Variants in RANBP2 observed in about 807,000 individuals in gnomAD.
The protein encoded by RANBP2 is E3 SUMO-protein ligase RanBP2.
Under a neutral mutation model 303.6 loss-of-function variants are expected in RANBP2, and 57 were observed. The ratio of observed to expected loss-of-function variants is 0.19; its 90% CI spans 0.15 to 0.23. The LOEUF (loss-of-function observed/expected upper bound fraction) is 0.23, where lower values mean the gene tolerates loss of function less well. RANBP2 is among the 10% of genes least tolerant of loss of function. The probability of loss-of-function intolerance (pLI) is 1.00; values close to 1 mark genes in which losing one functional copy is unlikely to be tolerated. For synonymous variants in RANBP2, 1,167 were observed against 1,301.5 expected (o/e 0.90, Z 2.23); for missense variants, 3,138 against 3,780.8 (o/e 0.83, Z 4.46).
At chr2:109,417,143 A>G in the RANBP2 span, among the ~76,000 whole-genome samples, 4 of 152,186 alleles carry the variant, frequency 2.6e-5, no homozygotes, top group Non-Finnish European at 5.9e-5. Context: ...AGTGGCCACA[A>G]GGAGACCTGT....
chr2:109,689,322 C>T, the RANBP2 span, among the ~76,000 whole-genome samples: 1 of 152,168 alleles, frequency 6.6e-6, no homozygotes, highest in Admixed American at 6.5e-5. Context: ...CATGCCTGGG[C>T]AGCAGAGAGA....
chr2:108,994,029 C>T, the RANBP2 span, among the ~76,000 whole-genome samples: 2 of 152,158 alleles, frequency 1.3e-5, no homozygotes, highest in African/African-American at 4.8e-5. Context: ...ACCTAATCAC[C>T]TCCCAAAGAC....
chr2:109,564,661 T>C, the RANBP2 span: 2 of 765,742 alleles, frequency 2.6e-6, no homozygotes, highest in African/African-American at 1.8e-5. Context: ...TCAGTTTGAT[T>C]AACAGCTACG....
chr2:108,786,793 C>G (rs373787363), downstream of RANBP2: 1 of 1,563,914 alleles, frequency 6.4e-7, no homozygotes, highest in Admixed American at 1.9e-5. Context: ...AACGCGGTTC[C>G]CGGGGAGACT....
At chr2:109,281,409 T>G in the RANBP2 span, among the ~76,000 whole-genome samples, 1 of 152,186 alleles carries the variant, frequency 6.6e-6, no homozygotes, top group South Asian at 2.1e-4. Context: ...GATGTGACAG[T>G]CTCAGAGCAG....
At chr2:109,243,160 T>C in the RANBP2 span, among the ~76,000 whole-genome samples, 1 of 152,212 alleles carries the variant, frequency 6.6e-6, no homozygotes, top group Non-Finnish European at 1.5e-5. Context: ...TGTGCAGGTG[T>C]CTTGTAAGGG....
the RANBP2 span, among the ~76,000 whole-genome samples, chr2:109,090,919 T>A: frequency 1.3e-5 from 2 of 152,168 alleles, no homozygotes; most frequent in African/African-American, 4.8e-5. Context: ...CAACCTGCCA[T>A]CAGATGTTCC....
chr2:109,626,848 G>A, the RANBP2 span, among the ~76,000 whole-genome samples: 1 of 152,216 alleles, frequency 6.6e-6, no homozygotes, highest in African/African-American at 2.4e-5. Context: ...TGGCAATAGG[G>A]CCTTTCCTGG....
the RANBP2 span, among the ~76,000 whole-genome samples, chr2:109,620,090 C>T: frequency 2.0e-5 from 3 of 152,162 alleles, no homozygotes; most frequent in African/African-American, 4.8e-5. Flanking sequence ...TTTTCCACAT[C>T]GATGCATTGG....
the RANBP2 span, among the ~76,000 whole-genome samples, chr2:109,203,443 C>T: frequency 1.3e-5 from 2 of 152,162 alleles, no homozygotes; most frequent in African/African-American, 4.8e-5. Flanking sequence ...TCACTGTATC[C>T]CTGGCCATGA....
chr2:109,547,013 TAAA>T, the RANBP2 span, among the ~76,000 whole-genome samples: 15 of 152,300 alleles, frequency 9.8e-5, no homozygotes, highest in South Asian at 2.5e-3. Context: ...TTTAGGCGCC[TAAA>T]GGCAGGATAC....
At chr2:109,208,642 C>CT in the RANBP2 span, among the ~76,000 whole-genome samples, 1 of 152,108 alleles carries the variant, frequency 6.6e-6, no homozygotes, top group Non-Finnish European at 1.5e-5. Flanking sequence ...TTTTAATACA[C>CT]TAAGTTTGGA....
the RANBP2 span, among the ~76,000 whole-genome samples, chr2:109,125,408 C>T: frequency 6.6e-6 from 1 of 152,220 alleles, no homozygotes; most frequent in Non-Finnish European, 1.5e-5. Flanking sequence ...GCCGTCCAGT[C>T]CTGTTTCCTC....
At chr2:109,722,196 C>T in the RANBP2 span, among the ~76,000 whole-genome samples, 2 of 152,150 alleles carry the variant, frequency 1.3e-5, no homozygotes, top group Non-Finnish European at 2.9e-5. Flanking sequence ...ACTTGTTTGT[C>T]GGCATCCTGG....
the RANBP2 span, among the ~76,000 whole-genome samples, chr2:109,301,335 C>CGTGT: frequency 1.1e-4 from 14 of 132,110 alleles, no homozygotes; most frequent in South Asian, 2.5e-3. Context: ...ATCTGTGTGA[C>CGTGT]GTGTGTGTGT....
chr2:109,553,266 CG>C, the RANBP2 span: 1 of 1,600,398 alleles, frequency 6.2e-7, no homozygotes, highest in Non-Finnish European at 8.5e-7. Context: ...TGATATAGGT[CG>C]GGTATGGCGG....
At chr2:109,725,601 TGTCA>T in the RANBP2 span, among the ~76,000 whole-genome samples, 8 of 152,354 alleles carry the variant, frequency 5.3e-5, no homozygotes, top group South Asian at 1.7e-3. Context: ...CACCTCATTT[TGTCA>T]GTCTTCTTGC....
the RANBP2 span, among the ~76,000 whole-genome samples, chr2:109,250,208 A>G: frequency 6.6e-6 from 1 of 151,774 alleles, no homozygotes; most frequent in South Asian, 2.1e-4. Flanking sequence ...GATATAATTC[A>G]GGAATTTGTA....
At chr2:109,587,495 GA>G in the RANBP2 span, among the ~76,000 whole-genome samples, 1 of 152,164 alleles carries the variant, frequency 6.6e-6, no homozygotes, top group Non-Finnish European at 1.5e-5. Flanking sequence ...AATAGTGACT[GA>G]AAACTTTCTA....
Sources: allele counts gnomAD v4.1 joint callset (sites outside exome capture counted in the v4.1 genomes callset), GRCh38; gene constraint gnomAD v4.1.1; transcripts MANE v1.5; gene names NCBI Gene and HGNC (gene_info 2026-07-23, HGNC 2026-07-21).